The following COL25A1 variants were observed in gnomAD, a reference collection of about 807,000 sequenced individuals.
The protein encoded by COL25A1 is collagen type XXV alpha 1 chain.
A neutral mutation model predicts 128.4 loss-of-function variants in COL25A1; 103 were observed. That is an observed-to-expected ratio of 0.80 (90% CI 0.68 to 0.94). COL25A1 has a LOEUF of 0.94. COL25A1 is among the 40% of genes least tolerant of loss of function. COL25A1 has a pLI of 0.00. For synonymous variants in COL25A1, 279 were observed against 277.2 expected, an observed-to-expected ratio of 1.01 and a Z score of -0.06; for missense variants, 745 against 840.0, an observed-to-expected ratio of 0.89 and a Z score of 1.40.
chr4:109,016,445 A>G (rs1757225054), intron 5 of COL25A1, among the ~76,000 whole-genome samples: 3 of 152,234 alleles, frequency 2.0e-5, no homozygotes. Flanking sequence ...CTAGGCGGAA[A>G]GGGGCGGGTC....
chr4:108,819,311 C>T lies in COL25A1; in HGVS notation c.1864G>A (p.Gly622Arg). The change falls in exon 36 of 38, where the codon GGG becomes AGG. Residue 622 changes from glycine to arginine, a missense_variant. Transcript: ENST00000399132. Reference sequence around the variant, plus strand: ...GGCTGGCCTGGCTCCCCTTTTTCCCCCTTAACGCCACGGAATCCCTGTTTG... The same window carrying T: ...GGCTGGCCTGGCTCCCCTTTTTCCCTCTTAACGCCACGGAATCCCTGTTTG... ...KGEKGFRGVK[G>R]EKGEPGQPGL... is the part of the protein sequence containing the mutation. 1 of 1,613,066 alleles carries T rather than the reference C, an allele frequency of 6.2e-7. No homozygotes were observed. The highest frequency in any genetic ancestry group is 8.5e-7 in the Non-Finnish European group (1 of 1,179,628).
intron 3 of COL25A1, among the ~76,000 whole-genome samples, chr4:109,278,895 A>G (rs1723096345): frequency 6.6e-6 from 1 of 152,196 alleles, no homozygotes; most frequent in South Asian, 2.1e-4. Flanking sequence ...AGGTGGCAGC[A>G]GATTCAGTGT....
chr4:109,042,016 A>C (rs1759954219), intron 5 of COL25A1, among the ~76,000 whole-genome samples: 1 of 152,136 alleles, frequency 6.6e-6, no homozygotes, highest in East Asian at 1.9e-4. Context: ...TTGCAAAAAA[A>C]TTGTCAATAT....
chr4:108,885,075 T>A (rs1247154894), intron 18 of COL25A1, among the ~76,000 whole-genome samples: 1 of 152,206 alleles, frequency 6.6e-6, no homozygotes, highest in Admixed American at 6.5e-5. Context: ...TTATTTTTTG[T>A]GGAAATAACA....
chr4:109,265,221 ACT>A (rs1016539568), intron 3 of COL25A1, among the ~76,000 whole-genome samples: 1 of 152,004 alleles, frequency 6.6e-6, no homozygotes, highest in Admixed American at 6.6e-5. Context: ...ATCTGTTTTA[ACT>A]CTCCTATTCT....
Position 108,889,244 on chromosome 4 carries a change from C to T in COL25A1, c.952G>A (p.Glu318Lys). ...SAAGIKGEPG[E>K]SGRPGQKGEP... ...ACCTTTTGCCCTGGACGACCAGATT[C>T]CCCAGGTTCTCCCTGGCCAAAGAAA... Residue 318 changes from glutamate (E) to lysine (K), a missense_variant, in exon 18 of 38, where the codon GAA (glutamate) becomes AAA (lysine). Transcript: ENST00000399132. 1 of 1,613,568 alleles carries T rather than the reference C, an allele frequency of 6.2e-7. No individual in the cohort carries two copies. Among genetic ancestry groups the T allele is most frequent in the African/African-American group, 1.3e-5 (1 of 75,002 alleles).
intron 35 of COL25A1, among the ~76,000 whole-genome samples, chr4:108,821,576 T>C (rs1231276812): frequency 2.6e-5 from 4 of 152,214 alleles, no homozygotes; most frequent in Non-Finnish European, 5.9e-5. Flanking sequence ...CATTATTTGA[T>C]TGGTAAATCA....
At chr4:109,259,266 A>G (rs1442151340) in intron 3 of COL25A1, among the ~76,000 whole-genome samples, 1 of 152,228 alleles carries the variant, frequency 6.6e-6, no homozygotes, top group Non-Finnish European at 1.5e-5. Flanking sequence ...AATGAGAAAA[A>G]AAATCAATGA....
intron 12 of COL25A1, among the ~76,000 whole-genome samples, chr4:108,919,168 TA>T (rs969765468): frequency 7.2e-5 from 11 of 151,836 alleles, no homozygotes; most frequent in Non-Finnish European, 1.3e-4. Flanking sequence ...AAAACTCCCC[TA>T]AAAAAATGGT....
At chr4:108,900,509 T>A (rs1191973690) in intron 14 of COL25A1, among the ~76,000 whole-genome samples, 8 of 152,204 alleles carry the variant, frequency 5.3e-5, no homozygotes, top group African/African-American at 1.9e-4. Flanking sequence ...GGCTGCCTGC[T>A]TGATTTAAAC....
At chr4:108,966,947 A>G (rs367982815) in intron 8 of COL25A1, among the ~76,000 whole-genome samples, 12 of 149,576 alleles carry the variant, frequency 8.0e-5, no homozygotes, top group South Asian at 4.4e-4. Context: ...AAAGAGAGGA[A>G]AGAAAGAAAA....
At chr4:109,019,110 G>A (rs975138368) in intron 5 of COL25A1, among the ~76,000 whole-genome samples, 41 of 151,934 alleles carry the variant, frequency 2.7e-4, no homozygotes, top group African/African-American at 9.2e-4. Flanking sequence ...CCTTAATCTG[G>A]TGGGCACAAT....
intron 8 of COL25A1, among the ~76,000 whole-genome samples, chr4:108,950,052 T>G (rs1749227013): frequency 6.6e-6 from 1 of 152,182 alleles, no homozygotes; most frequent in East Asian, 1.9e-4. Context: ...GGCTGGGATC[T>G]CTTTTGCTAA....
chr4:108,964,712 A>C lies in COL25A1; in HGVS notation c.492+9655T>G, dbSNP rs114615962. ...TTTCTAAATTGACCGATATTAGGAC[A>C]AATTTACAAATATTCCTGGGTTCAA... On this transcript the variant is annotated intron_variant, in intron 8 of 37. Transcript: ENST00000399132. Among the ~76,000 whole-genome samples the C allele has an allele frequency of 9.6e-3, 1,463 of 152,288 alleles. 26 individuals carry two copies. The highest frequency in any genetic ancestry group is 0.033 in the African/African-American group (1,380 of 41,572).
At chr4:108,913,871 A>G (rs1744553869) in intron 13 of COL25A1, among the ~76,000 whole-genome samples, 1 of 152,214 alleles carries the variant, frequency 6.6e-6, no homozygotes, top group South Asian at 2.1e-4. Flanking sequence ...CTAATTGACC[A>G]ATATTCAAAT....
At chr4:108,999,209 C>CTATCCATCCGACAAAGGGCTAA (rs1755097175) in intron 6 of COL25A1, among the ~76,000 whole-genome samples, 1 of 150,138 alleles carries the variant, frequency 6.7e-6, no homozygotes, top group African/African-American at 2.4e-5. Context: ...TCTTTGCAAT[C>CTATCCATCCGACAAAGGGCTAA]TATCCATCTG....
intron 35 of COL25A1, among the ~76,000 whole-genome samples, chr4:108,822,043 A>ATTGTTTTTTTTTTT (rs1731825407): frequency 1.1e-5 from 1 of 89,964 alleles, no homozygotes; most frequent in Non-Finnish European, 2.1e-5. Flanking sequence ...CCTAATGGTA[A>ATTGTTTTTTTTTTT]TTTTTTTTTT....
chr4:109,012,986 TGCACCAATCAGCACTCTGTGTCTA>T (rs1165874644), intron 5 of COL25A1, among the ~76,000 whole-genome samples: 1 of 152,224 alleles, frequency 6.6e-6, no homozygotes, highest in South Asian at 2.1e-4. Context: ...GGATTGTATA[TGCACCAATCAGCACTCTGTGTCTA>T]GCTCAGGGTT....
intron 3 of COL25A1, among the ~76,000 whole-genome samples, chr4:109,293,314 A>G (rs1364729810): frequency 6.6e-6 from 1 of 152,076 alleles, no homozygotes; most frequent in African/African-American, 2.4e-5. Flanking sequence ...GATGATAAAG[A>G]AATATGATTC....
Sources: gnomAD v4.1 joint callset for allele counts (sites outside exome capture counted in the v4.1 genomes callset) on GRCh38, gnomAD v4.1.1 for gene constraint, MANE v1.5 for transcripts, NCBI Gene and HGNC (gene_info 2026-07-23, HGNC 2026-07-21) for gene names.